Variants in EIF4G3 observed in about 807,000 individuals in gnomAD.
EIF4G3 encodes the protein eukaryotic translation initiation factor 4 gamma 3, also known as eIF-4-gamma 3.
A neutral mutation model predicts 186.4 loss-of-function variants in EIF4G3; 34 were observed. The ratio of observed to expected loss-of-function variants is 0.18; its 90% confidence interval spans 0.14 to 0.24. The LOEUF (loss-of-function observed/expected upper bound fraction) is 0.24, where lower values mean the gene tolerates loss of function less well. Among genes scored for constraint, EIF4G3 ranks in the 10% least tolerant of loss-of-function variants. The probability of loss-of-function intolerance (pLI) is 1.00; values close to 1 mark genes in which losing one functional copy is unlikely to be tolerated. For missense variants in EIF4G3, 1,536 were observed against 1,948.5 expected, an observed-to-expected ratio of 0.79 and a Z score of 3.99; for synonymous variants, 673 against 679.5, an observed-to-expected ratio of 0.99 and a Z score of 0.15.
chr1:20,830,470 C>T (rs1024772827), intron 30 of EIF4G3, among the ~76,000 whole-genome samples: 1 of 152,184 alleles, frequency 6.6e-6, no homozygotes, highest in Non-Finnish European at 1.5e-5. Flanking sequence ...CAGGTTCTCT[C>T]ATTATGTGCA....
At position 20,810,159 on chromosome 1, in the gene EIF4G3, ATTT is replaced by A. The variant is rs1363674757; in HGVS notation, c.4744+576_4744+578del. 7.4e-6 allele frequency among the ~76,000 whole-genome samples: 1 copy of A among 134,324 alleles called. No individual in the cohort carries two copies. The allele number at this position is 134,324 out of a possible 152,430, so 88.1% of individuals were successfully genotyped here. ...ACCTAGCCAATTTTTGTATTTTTGTATTTTTTTTTTTTTTGAGATAGAGTCTCG... is the reference window on the plus strand; with the variant it reads ...ACCTAGCCAATTTTTGTATTTTTGTATTTTTTTTTTTGAGATAGAGTCTCG... On this transcript the variant is annotated intron_variant, in intron 36 of 36. Coordinates refer to ENST00000602326, the MANE Select transcript of EIF4G3 (RefSeq NM_001391906.1). This position sits in a 1 kb window ranked among gnomAD's most constrained non-coding sequence, Gnocchi z 4.1.
intron 28 of EIF4G3, among the ~76,000 whole-genome samples, chr1:20,849,832 C>A (rs1299343489): frequency 6.6e-6 from 1 of 152,138 alleles, no homozygotes; most frequent in African/African-American, 2.4e-5. Context: ...TACATGAGGT[C>A]TTCACAATCC....
chr1:21,005,007 A>G (rs1011093660), intron 4 of EIF4G3, among the ~76,000 whole-genome samples: 1 of 152,142 alleles, frequency 6.6e-6, no homozygotes, highest in Non-Finnish European at 1.5e-5. Context: ...ATGTCTATCA[A>G]ATAATTAATA....
intron 18 of EIF4G3, among the ~76,000 whole-genome samples, chr1:20,891,616 C>CAAAAAAAAAAA (rs11343165): frequency 2.5e-5 from 2 of 81,622 alleles, no homozygotes; most frequent in African/African-American, 1.0e-4. Context: ...ACTAAAAATA[C>CAAAAAAAAAAA]AAAAAAAAAA....
intron 2 of EIF4G3, among the ~76,000 whole-genome samples, chr1:21,128,244 C>T (rs576340027): frequency 4.7e-5 from 7 of 149,064 alleles, no homozygotes; most frequent in African/African-American, 1.7e-4. Context: ...TGTGGTGGCT[C>T]ACTCCTATAA....
chr1:20,902,159 G>T (rs560719135), intron 15 of EIF4G3, among the ~76,000 whole-genome samples: 1 of 151,768 alleles, frequency 6.6e-6, no homozygotes, highest in African/African-American at 2.4e-5. Context: ...CGCCTCCCAG[G>T]TTCAAGCGAT....
At chr1:20,888,615 A>C (rs892103434) in intron 18 of EIF4G3, among the ~76,000 whole-genome samples, 1 of 152,172 alleles carries the variant, frequency 6.6e-6, no homozygotes, top group Non-Finnish European at 1.5e-5. Context: ...ATATATGAGC[A>C]AAGTTACTAT....
chr1:21,052,582 CCCACGGTCTCCCTCTCCCTCTCTTT>C (rs1392596385), intron 3 of EIF4G3, among the ~76,000 whole-genome samples: 3 of 151,884 alleles, frequency 2.0e-5, no homozygotes, highest in East Asian at 1.9e-4. Flanking sequence ...TCTCCCTCTC[CCCACGGTCTCCCTCTCCCTCTCTTT>C]CCACGGTCTC....
intron 2 of EIF4G3, among the ~76,000 whole-genome samples, chr1:21,108,701 C>T (rs12125311): frequency 6.6e-6 from 1 of 150,510 alleles, no homozygotes; most frequent in Non-Finnish European, 1.5e-5. Flanking sequence ...CTCAGGTGTT[C>T]GAGACCAGTC....
At chr1:21,122,975 A>G (rs2096953786) in intron 2 of EIF4G3, among the ~76,000 whole-genome samples, 1 of 152,332 alleles carries the variant, frequency 6.6e-6, no homozygotes, top group African/African-American at 2.4e-5. Context: ...ATGTAAGGTT[A>G]ATATAATCCA....
intron 2 of EIF4G3, among the ~76,000 whole-genome samples, chr1:21,094,410 C>CAA (rs1553232798): frequency 6.6e-6 from 1 of 151,850 alleles, no homozygotes; most frequent in Non-Finnish European, 1.5e-5. Context: ...ATATGTGGCA[C>CAA]ATAATATACA....
intron 2 of EIF4G3, among the ~76,000 whole-genome samples, chr1:21,173,701 T>A (rs1480894152): frequency 1.3e-5 from 2 of 151,994 alleles, no homozygotes; most frequent in Non-Finnish European, 2.9e-5. Context: ...AATAAATAAA[T>A]AAAACTGTCT....
intron 2 of EIF4G3, among the ~76,000 whole-genome samples, chr1:21,112,473 T>G (rs558305674): frequency 1.3e-4 from 20 of 152,314 alleles, no homozygotes; most frequent in African/African-American, 4.8e-4. Context: ...TACAAACTTT[T>G]ACATCATTTA....
At position 20,901,165 on chromosome 1, in the gene EIF4G3, C is replaced by T. The variant is rs368021122; in HGVS notation, c.1753-1222G>A. Among the ~76,000 whole-genome samples, 881 of 152,198 alleles carry T rather than the reference C, an allele frequency of 5.8e-3. 8 individuals are homozygous for T. Among genetic ancestry groups the T allele is most frequent in the South Asian group, 0.029 (138 of 4,826 alleles). On this transcript the variant is annotated intron_variant, in intron 15 of 36. Coordinates refer to ENST00000602326, the MANE Select transcript of EIF4G3 (RefSeq NM_001391906.1). ...ATAGTATATAAAAACCCTCAAAAGA[C>T]AGACAGACATAATATTCCAAAAAAA...
intron 4 of EIF4G3, among the ~76,000 whole-genome samples, chr1:21,028,176 T>C (rs1004967427): frequency 6.6e-6 from 1 of 152,184 alleles, no homozygotes; most frequent in African/African-American, 2.4e-5. Context: ...GACTTTCAGT[T>C]TTACAAGATG....
chr1:20,974,429 G>A (rs1279620574), intron 10 of EIF4G3, among the ~76,000 whole-genome samples: 2 of 152,156 alleles, frequency 1.3e-5, no homozygotes, highest in African/African-American at 2.4e-5. Flanking sequence ...TGAGGGCTGT[G>A]CTTAACCACA....
chr1:20,893,596 C>T lies in EIF4G3; in HGVS notation c.2174G>A (p.Arg725Gln), dbSNP rs372089216. ...AAAGTCTGGTCCTCGAGGCAAAATT[C>T]GAGGATCCAGAGTTCGCATTGGCAA... ...PKLPMRTLDP[R>Q]ILPRGPDFTP... Residue 725 changes from arginine to glutamine, a missense_variant, in exon 18 of 37, where the codon CGA becomes CAA. Around this residue, in one of 11 missense-constraint regions of EIF4G3, gnomAD observed 139 missense variants for 192.8 expected, o/e 0.72. Transcript: ENST00000602326. 1.3e-5 allele frequency: 21 copies of T among 1,588,776 alleles called. 1 individual carries two copies. The Admixed American group carries it at 1.4e-4, about 10-fold the overall frequency.
At position 21,002,684 on chromosome 1, in the gene EIF4G3, T is replaced by C. The variant is rs754737144; in HGVS notation, c.30+29A>G. The C allele has an allele frequency of 1.9e-6, 3 of 1,610,138 alleles. No homozygotes were observed. The South Asian group carries it at 3.3e-5, about 18-fold the overall frequency. Reference sequence around the variant, plus strand: ...CACACACAAACACAGGTAGAGAATGTAATTTGGTTCAAGCTTCTGCTTACT... The same window carrying C: ...CACACACAAACACAGGTAGAGAATGCAATTTGGTTCAAGCTTCTGCTTACT... On this transcript the variant is annotated intron_variant, in intron 5 of 36. Transcript: ENST00000602326.
At chr1:20,875,044 T>C (rs1030826657) in intron 20 of EIF4G3, among the ~76,000 whole-genome samples, 3 of 152,188 alleles carry the variant, frequency 2.0e-5, no homozygotes, top group Non-Finnish European at 2.9e-5. Context: ...CATAGTATTA[T>C]CATGGTCCAC....
Sources: allele counts gnomAD v4.1 joint callset (sites outside exome capture counted in the v4.1 genomes callset), GRCh38; gene constraint gnomAD v4.1.1; regional missense constraint gnomAD v4.1.1; non-coding constraint Gnocchi (gnomAD v3.1); transcripts MANE v1.5; gene names NCBI Gene and HGNC (gene_info 2026-07-23, HGNC 2026-07-21).